The following IQCM variants were observed in gnomAD, a reference collection of about 807,000 sequenced individuals.
The protein encoded by IQCM is IQ domain-containing protein M.
IQCM carries 45 observed loss-of-function variants against 57.6 expected under a neutral mutation model. That is an observed-to-expected ratio of 0.78 (90% CI 0.62 to 1.00). The LOEUF (loss-of-function observed/expected upper bound fraction) is 1.00, where lower values mean the gene tolerates loss of function less well. Among genes scored for constraint, IQCM ranks in the 50% least tolerant of loss-of-function variants. The pLI is 0.00. For synonymous variants in IQCM, 148 were observed against 158.9 expected (o/e 0.93, Z 0.51); for missense variants, 468 against 511.6 (o/e 0.91, Z 0.82).
intron 7 of IQCM, among the ~76,000 whole-genome samples, chr4:149,652,149 T>C (rs1248665757): frequency 6.6e-6 from 1 of 152,090 alleles, no homozygotes; most frequent in Non-Finnish European, 1.5e-5. Flanking sequence ...ATGTCCTCTG[T>C]AGGGACATGG....
At chr4:149,647,648 T>C (rs1442710427) in intron 7 of IQCM, among the ~76,000 whole-genome samples, 1 of 152,124 alleles carries the variant, frequency 6.6e-6, no homozygotes, top group East Asian at 1.9e-4. Context: ...TCTTCTCTTT[T>C]TGCTGGCTTT....
chr4:149,444,632 A>G (rs1004563418), intron 12 of IQCM, among the ~76,000 whole-genome samples: 2 of 151,874 alleles, frequency 1.3e-5, no homozygotes, highest in Non-Finnish European at 2.9e-5. Flanking sequence ...CTATCACTCT[A>G]TTAATGGGGA....
At chr4:149,407,011 T>C (rs1481460724) in intron 13 of IQCM, among the ~76,000 whole-genome samples, 1 of 149,768 alleles carries the variant, frequency 6.7e-6, no homozygotes, top group Non-Finnish European at 1.5e-5. Flanking sequence ...ATGATCATGG[T>C]GGAAGGCGAA....
chr4:149,646,351 T>C (rs1758635401), intron 7 of IQCM, among the ~76,000 whole-genome samples: 2 of 152,012 alleles, frequency 1.3e-5, no homozygotes, highest in African/African-American at 4.8e-5. Flanking sequence ...ATTCTTTGAA[T>C]GCATCATGGA....
chr4:149,739,037 T>C (rs1767203845), intron 3 of IQCM, among the ~76,000 whole-genome samples: 1 of 152,224 alleles, frequency 6.6e-6, no homozygotes, highest in African/African-American at 2.4e-5. Flanking sequence ...TCTTTGTTCA[T>C]AATGGGGTAA....
At chr4:149,556,501 G>A (rs916671366) in intron 10 of IQCM, among the ~76,000 whole-genome samples, 2 of 152,090 alleles carry the variant, frequency 1.3e-5, no homozygotes, top group East Asian at 3.9e-4. Flanking sequence ...AGATTCTATA[G>A]ACCTATAAGA....
At chr4:149,406,454 G>A (rs1287055059) in intron 13 of IQCM, among the ~76,000 whole-genome samples, 1 of 152,076 alleles carries the variant, frequency 6.6e-6, no homozygotes, top group Non-Finnish European at 1.5e-5. Context: ...CACATATGAA[G>A]GTCCTGTGGC....
intron 12 of IQCM, among the ~76,000 whole-genome samples, chr4:149,481,206 T>C (rs1234661189): frequency 6.6e-6 from 1 of 152,144 alleles, no homozygotes; most frequent in Non-Finnish European, 1.5e-5. Flanking sequence ...TTCTGTGGGT[T>C]GTTTGCACTT....
chr4:149,561,817 T>C (rs1178866805), intron 10 of IQCM, among the ~76,000 whole-genome samples: 3 of 152,086 alleles, frequency 2.0e-5, no homozygotes, highest in Non-Finnish European at 2.9e-5. Context: ...ATATCAAACA[T>C]GTAAACAGAT....
Position 149,492,012 on chromosome 4 carries a change from T to G in IQCM, c.1228+56443A>C, listed in dbSNP as rs1460310963. On this transcript the variant is annotated intron_variant, in intron 12 of 13. Coordinates refer to ENST00000636793, the MANE Select transcript of IQCM (RefSeq NM_001363507.2). Reference sequence around the variant, plus strand: ...TAATTTCTCTGCTGATTGGTGATTTTGAGCATGTTTTTTATACACCTATTG... The same window carrying G: ...TAATTTCTCTGCTGATTGGTGATTTGGAGCATGTTTTTTATACACCTATTG... Among the ~76,000 whole-genome samples, 3 of 152,260 alleles carry G rather than the reference T, an allele frequency of 2.0e-5. No individual in the cohort carries two copies. The East Asian group carries it at 5.8e-4, about 29-fold the overall frequency.
chr4:149,460,141 T>C (rs764966263), intron 12 of IQCM, among the ~76,000 whole-genome samples: 1 of 152,184 alleles, frequency 6.6e-6, no homozygotes, highest in Non-Finnish European at 1.5e-5. Flanking sequence ...TATCTCATCG[T>C]AGTTTTGATT....
At chr4:149,810,624 A>G (rs1774486235) in intron 2 of IQCM, among the ~76,000 whole-genome samples, 1 of 151,460 alleles carries the variant, frequency 6.6e-6, no homozygotes, top group Non-Finnish European at 1.5e-5. Flanking sequence ...TAAGTTTTGT[A>G]TTTTTTTAGT....
chr4:149,484,759 T>C (rs781526226), intron 12 of IQCM, among the ~76,000 whole-genome samples: 5 of 152,078 alleles, frequency 3.3e-5, no homozygotes, highest in Non-Finnish European at 5.9e-5. Flanking sequence ...TGGTGTGTTA[T>C]ACTATTCTGT....
chr4:149,628,168 A>G (rs1454803909), intron 7 of IQCM, among the ~76,000 whole-genome samples: 1 of 152,194 alleles, frequency 6.6e-6, no homozygotes, highest in Non-Finnish European at 1.5e-5. Flanking sequence ...ACAGTCTATA[A>G]TTCTAAAAAT....
chr4:149,488,525 A>G (rs1301315939), intron 12 of IQCM, among the ~76,000 whole-genome samples: 1 of 152,188 alleles, frequency 6.6e-6, no homozygotes. Flanking sequence ...AAAGTTGTTA[A>G]TAGTATTTTT....
intron 7 of IQCM, among the ~76,000 whole-genome samples, chr4:149,624,147 A>AGTGTGT (rs34626095): frequency 5.5e-5 from 8 of 144,574 alleles, no homozygotes; most frequent in South Asian, 2.2e-4. Context: ...ATGTGCCCCA[A>AGTGTGT]GTGTGTGTGT....
chr4:149,663,211 T>A (rs1397831584), intron 7 of IQCM, among the ~76,000 whole-genome samples: 4 of 152,064 alleles, frequency 2.6e-5, no homozygotes, highest in Non-Finnish European at 5.9e-5. Flanking sequence ...AATTTATTTT[T>A]TTTCCCTAAT....
At chr4:149,596,753 C>T (rs936232807) in intron 8 of IQCM, among the ~76,000 whole-genome samples, 7 of 151,966 alleles carry the variant, frequency 4.6e-5, no homozygotes, top group African/African-American at 7.3e-5. Context: ...ACTGTAATGC[C>T]GTACAAATCT....
At chr4:149,702,038 T>C (rs1451019518) in intron 5 of IQCM, among the ~76,000 whole-genome samples, 5 of 151,934 alleles carry the variant, frequency 3.3e-5, no homozygotes, top group Non-Finnish European at 5.9e-5. Flanking sequence ...TAATCCAGTA[T>C]AAATATTGAG....
Sources: gnomAD v4.1 joint callset for allele counts (sites outside exome capture counted in the v4.1 genomes callset) on GRCh38, gnomAD v4.1.1 for gene constraint, MANE v1.5 for transcripts, NCBI Gene and HGNC (gene_info 2026-07-23, HGNC 2026-07-21) for gene names.